Variants in JDP2 observed in about 807,000 individuals in gnomAD.
JDP2 encodes the protein progesterone receptor co-activator.
In JDP2, 9 loss-of-function variants were observed where a neutral mutation model predicts 17.1. That is an observed-to-expected ratio of 0.53 (90% CI 0.32 to 0.92). The LOEUF is 0.92. JDP2 is among the 40% of genes least tolerant of loss of function. JDP2 has a pLI of 0.04. For synonymous variants in JDP2, 107 were observed against 95.6 expected (o/e 1.12, Z -0.69); for missense variants, 179 against 220.0 (o/e 0.81, Z 1.18).
chr14:75,437,834 G>T, intron 1 of JDP2, 64 bp from the exon 2 acceptor site: 1 of 1,152,216 alleles, frequency 8.7e-7, no homozygotes, highest in Non-Finnish European at 1.2e-6. Context: ...CAAGACGAGG[G>T]ACTTGAGCCC....
chr14:75,445,660 A>G (rs1165274962), intron 2 of JDP2: 2 of 881,246 alleles, frequency 2.3e-6, no homozygotes, highest in Non-Finnish European at 2.7e-6. Context: ...ATATACATAT[A>G]TTATCTCAAA....
intron 1 of JDP2, chr14:75,432,156 C>T (rs1424771725): frequency 9.4e-6 from 6 of 635,812 alleles, no homozygotes; most frequent in East Asian, 2.8e-5. Flanking sequence ...TTTTGCTGCT[C>T]GCCTTCACTC....
At position 75,466,731 on chromosome 14, in the gene JDP2, A is replaced by T. The variant is rs530752542; in HGVS notation, c.307-2559A>T. ...CTTGCATGTCCAGTTTTAACTTCAA[A>T]CTCACTGTACCCAAAACAAACTCCT... On this transcript the variant is annotated intron_variant, in intron 3 of 3. Coordinates refer to ENST00000651602, the MANE Select transcript of JDP2 (RefSeq NM_001135048.2). Among the ~76,000 whole-genome samples, 185 of 152,096 alleles carry T rather than the reference A, an allele frequency of 1.2e-3. 1 individual carries two copies. The highest frequency in any genetic ancestry group is 4.2e-3 in the African/African-American group (174 of 41,462).
chr14:75,452,459 A>G (rs1481710142), intron 2 of JDP2, among the ~76,000 whole-genome samples: 5 of 152,188 alleles, frequency 3.3e-5, no homozygotes, highest in Admixed American at 6.5e-5. Flanking sequence ...GTCACAGAGC[A>G]GGGCACTGTG....
chr14:75,431,003 G>A (rs1049731622), intron 1 of JDP2, among the ~76,000 whole-genome samples: 5 of 152,128 alleles, frequency 3.3e-5, no homozygotes, highest in Non-Finnish European at 7.4e-5. Context: ...TAGTTGCAGA[G>A]CTCCATTTGC....
At chr14:75,439,334 T>G (rs988524934) in intron 2 of JDP2, among the ~76,000 whole-genome samples, 1 of 152,238 alleles carries the variant, frequency 6.6e-6, no homozygotes, top group African/African-American at 2.4e-5. Flanking sequence ...GTATTTTGTT[T>G]GGCCGGCTCA....
chr14:75,447,955 G>A (rs984665550), intron 2 of JDP2, among the ~76,000 whole-genome samples: 2 of 151,986 alleles, frequency 1.3e-5, no homozygotes, highest in Non-Finnish European at 2.9e-5. Context: ...CACTGTGCCC[G>A]GCTAGCTAGT....
rs897560809 is a variant in JDP2 at position 75,437,924 on chromosome 14, A to T, written c.4A>T (p.Met2Leu). The change falls in exon 2 of 4, where the codon ATG becomes TTG. Residue 2 changes from methionine to leucine, a missense_variant. Transcript: ENST00000651602. M[M>L]PGQIPDPSVT... ...CTGGCCTGCCACTCCTCCTGCTATGATGCCTGGGCAGATCCCGGACCCTTC... is the reference window on the plus strand; with the variant it reads ...CTGGCCTGCCACTCCTCCTGCTATGTTGCCTGGGCAGATCCCGGACCCTTC... The T allele has an allele frequency of 6.2e-7, 1 of 1,606,084 alleles. No homozygotes were observed. The highest frequency in any genetic ancestry group is 1.3e-5 in the African/African-American group (1 of 74,788).
At position 75,471,641 on chromosome 14, in the gene JDP2, C is replaced by T. The variant is rs573408365; in HGVS notation, c.*2166C>T. On this transcript the variant is annotated 3_prime_UTR_variant, in exon 4 of 4. Transcript: ENST00000651602. ...ACACACCTGTGATCCCTCCCTCGCT[C>T]ACTCCTCTCAGTTTCCCTCCACCCA... 1 of 152,380 alleles carries T rather than the reference C, an allele frequency of 6.6e-6. No homozygotes were observed. The highest frequency in any genetic ancestry group is 2.1e-4 in the South Asian group (1 of 4,826). The allele number at this position is 152,380 out of a possible 1,614,324, so 9.4% of individuals were successfully genotyped here. A position where few individuals can be genotyped will look rare whatever the true frequency, so the allele number is the denominator to read the frequency against.
Position 75,428,417 on chromosome 14 carries a change from C to G in JDP2, c.-24+165C>G, listed in dbSNP as rs1884637073. On this transcript the variant is annotated intron_variant, in intron 1 of 3. Coordinates refer to ENST00000651602, the MANE Select transcript of JDP2 (RefSeq NM_001135048.2). The surrounding 1 kb of genome is among the most constrained non-coding windows in gnomAD (Gnocchi z 5.6). ...CCAGGGACCTCGAGCTTTCCCCGCGCCGGGCGCTGCAGCCGGGCCCCTCCC... is the reference window on the plus strand; with the variant it reads ...CCAGGGACCTCGAGCTTTCCCCGCGGCGGGCGCTGCAGCCGGGCCCCTCCC... The G allele has an allele frequency of 6.6e-6, 1 of 151,666 alleles. No individual in the cohort carries two copies. Among genetic ancestry groups the G allele is most frequent in the Admixed American group, 6.6e-5 (1 of 15,258 alleles). The allele number at this position is 151,666 out of a possible 1,614,324, so 9.4% of individuals were successfully genotyped here.
chr14:75,460,891 G>A (rs1251997602), intron 2 of JDP2, among the ~76,000 whole-genome samples: 2 of 152,116 alleles, frequency 1.3e-5, no homozygotes, highest in Non-Finnish European at 2.9e-5. Context: ...AATTTATAAA[G>A]AAAAGAAATT....
chr14:75,452,890 A>G lies in JDP2; in HGVS notation c.202-8536A>G, dbSNP rs58812345. On this transcript the variant is annotated intron_variant, in intron 2 of 3. Transcript: ENST00000651602. ...GCCCGCTGTTCACTGAAACAGCTCA[A>G]TATTTCACAGCTGAGGCCCAGACCT... is the stretch of plus-strand genomic sequence containing the variant. Among the ~76,000 whole-genome samples, 918 of 152,328 alleles carry G rather than the reference A, an allele frequency of 6.0e-3. 7 individuals carry two copies. The highest frequency in any genetic ancestry group is 0.021 in the African/African-American group (881 of 41,574).
intron 2 of JDP2, among the ~76,000 whole-genome samples, chr14:75,446,316 A>C (rs1885598950): frequency 1.3e-5 from 2 of 150,604 alleles, no homozygotes; most frequent in South Asian, 4.2e-4. Context: ...TTCCTTTCCC[A>C]ACAGAAAGGA....
At chr14:75,445,360 G>T in intron 2 of JDP2, 2 of 985,398 alleles carry the variant, frequency 2.0e-6, no homozygotes, top group Non-Finnish European at 2.4e-6. Context: ...CATATGCTGG[G>T]GCTCATTGAC....
chr14:75,462,602 T>A (rs1886389576), intron 3 of JDP2, among the ~76,000 whole-genome samples: 1 of 152,206 alleles, frequency 6.6e-6, no homozygotes, highest in Non-Finnish European at 1.5e-5. Flanking sequence ...GTTCATTAAT[T>A]GATTCAACGG....
rs890044389 is a variant in JDP2, at chr14:75,472,005, G to C, written c.*2530G>C. 1 of 152,250 alleles carries C rather than the reference G, an allele frequency of 6.6e-6. No individual in the cohort carries two copies. Among genetic ancestry groups the C allele is most frequent in the African/African-American group, 2.4e-5 (1 of 41,434 alleles). The allele number at this position is 152,250 out of a possible 1,614,324, so 9.4% of individuals were successfully genotyped here. A position where few individuals can be genotyped will look rare whatever the true frequency, so the allele number is the denominator to read the frequency against. Reference sequence around the variant, plus strand: ...ACCGGGAGCTGGCATCTCCAAAATAGAGCCTCCTTAGCCTGTGCAGGTGGG... The same window carrying C: ...ACCGGGAGCTGGCATCTCCAAAATACAGCCTCCTTAGCCTGTGCAGGTGGG... On this transcript the variant is annotated 3_prime_UTR_variant, in exon 4 of 4. Transcript: ENST00000651602.
chr14:75,469,706 C>T lies in JDP2; in HGVS notation c.*231C>T, dbSNP rs565827458. On this transcript the variant is annotated 3_prime_UTR_variant, in exon 4 of 4. Transcript: ENST00000651602. Reference sequence around the variant, plus strand: ...ACCAAGCGCTGAGACCAAAGTTGACCCTCGGGTAGGGTTGTCCTGCCTGGG... The same window carrying T: ...ACCAAGCGCTGAGACCAAAGTTGACTCTCGGGTAGGGTTGTCCTGCCTGGG... 1.2e-5 allele frequency: 6 copies of T among 518,976 alleles called. No homozygotes were observed. The East Asian group carries it at 2.0e-4, about 17-fold the overall frequency. 32.1% of individuals were successfully genotyped at this position (518,976 alleles called of 1,614,324 possible).
chr14:75,438,027 A>T lies in JDP2; in HGVS notation c.107A>T (p.Lys36Ile), dbSNP rs529017460. Residue 36 changes from lysine (K) to isoleucine (I), a missense_variant, in exon 2 of 4, where the codon AAA becomes ATA. Lys to Ile is a moderately radical substitution (Grantham distance 102, BLOSUM62 -3). Transcript: ENST00000651602. ...PSSALTVEELKYADIRNLGAM... is the reference protein window; with the variant it reads ...PSSALTVEELIYADIRNLGAM... Reference sequence around the variant, plus strand: ...TCGGCCCTGACTGTGGAGGAGCTGAAATACGCTGACATCCGCAACCTCGGG... The same window carrying T: ...TCGGCCCTGACTGTGGAGGAGCTGATATACGCTGACATCCGCAACCTCGGG... 48 of 1,613,876 alleles carry T rather than the reference A, an allele frequency of 3.0e-5. No homozygotes were observed. The South Asian group carries it at 4.5e-4, about 15-fold the overall frequency.
intron 2 of JDP2, 75 bp downstream of exon 2, chr14:75,438,196 C>A: frequency 8.3e-7 from 1 of 1,209,850 alleles, no homozygotes; most frequent in South Asian, 1.5e-5. Context: ...CCTTGCTGTT[C>A]AAAGTGTGGT....
Sources: allele counts gnomAD v4.1 joint callset (sites outside exome capture counted in the v4.1 genomes callset), GRCh38; gene constraint gnomAD v4.1.1; non-coding constraint Gnocchi (gnomAD v3.1); transcripts MANE v1.5; gene names NCBI Gene and HGNC (gene_info 2026-07-23, HGNC 2026-07-21).